Variants in DET1 observed in about 807,000 individuals in gnomAD.
The protein encoded by DET1 is DET1 partner of COP1 E3 ubiquitin ligase.
Under a neutral mutation model 43.7 loss-of-function variants are expected in DET1, and 22 were observed. That is an observed-to-expected ratio of 0.50 (90% CI 0.36 to 0.72). DET1 has a LOEUF of 0.72. DET1 is among the 30% of genes least tolerant of loss of function. DET1 has a pLI of 0.00. For missense variants in DET1, 713 were observed against 713.3 expected, an observed-to-expected ratio of 1.00 and a Z score of 0.00; for synonymous variants, 315 against 266.2, an observed-to-expected ratio of 1.18 and a Z score of -1.79.
intron 3 of DET1, among the ~76,000 whole-genome samples, chr15:88,524,530 T>C (rs7183047): frequency 0.23 from 35,391 of 152,176 alleles, 5,438 homozygotes; most frequent in African/African-American, 0.43. Context: ...GGGGGAAATG[T>C]GGGGAAAAGA....
chr15:88,546,066 T>C (rs1383154156), intron 1 of DET1, among the ~76,000 whole-genome samples: 1 of 152,080 alleles, frequency 6.6e-6, no homozygotes, highest in Non-Finnish European at 1.5e-5. Context: ...TTGTTTTAAC[T>C]AGACCCCCCC....
rs545674931 is a variant in DET1 at position 88,523,139 on chromosome 15, G to A, written c.1271+4460C>T. On this transcript the variant is annotated intron_variant, in intron 3 of 4. Coordinates refer to ENST00000268148, the MANE Select transcript of DET1 (RefSeq NM_001144074.3). Reference sequence around the variant, plus strand: ...GATCAGTCCACGCCAACCTCCCAAAGTGCTGGGATAAAAGGCATAAGCCAC... The same window carrying A: ...GATCAGTCCACGCCAACCTCCCAAAATGCTGGGATAAAAGGCATAAGCCAC... 2.0e-5 allele frequency among the ~76,000 whole-genome samples: 3 copies of A among 152,174 alleles called. No individual in the cohort carries two copies. In the South Asian group the frequency reaches 6.2e-4, roughly 32 times the overall value.
chr15:88,503,504 C>T (rs1311229460), intron 8 of DET1: 2 of 152,290 alleles, frequency 1.3e-5, no homozygotes, highest in East Asian at 3.9e-4. Context: ...TGACATAGGC[C>T]AGGTTAAAGT....
At chr15:88,517,058 G>T in intron 3 of DET1, 85 bp from the exon 4 acceptor site, 1 of 967,112 alleles carries the variant, frequency 1.0e-6, no homozygotes, top group Non-Finnish European at 1.5e-6. Context: ...ATATGTCTAA[G>T]AACAACTCAT....
chr15:88,543,105 C>T lies in DET1; in HGVS notation c.-11+3435G>A, dbSNP rs559511717. Reference sequence around the variant, plus strand: ...ATCTGAAAAAGACTTTAACTGAAGCCCCTGCTTTAGGCCTCCCAGATACCT... The same window carrying T: ...ATCTGAAAAAGACTTTAACTGAAGCTCCTGCTTTAGGCCTCCCAGATACCT... On this transcript the variant is annotated intron_variant, in intron 1 of 4. Coordinates refer to ENST00000268148, the MANE Select transcript of DET1 (RefSeq NM_001144074.3). Among the ~76,000 whole-genome samples, 3 of 152,236 alleles carry T rather than the reference C, an allele frequency of 2.0e-5. No homozygotes were observed. In the East Asian group the frequency reaches 5.8e-4, roughly 29 times the overall value.
chr15:88,533,686 A>G (rs2056875403), intron 1 of DET1, among the ~76,000 whole-genome samples: 1 of 152,060 alleles, frequency 6.6e-6, no homozygotes, highest in Admixed American at 6.6e-5. Context: ...TCACAAACAG[A>G]CAAATACTGT....
intron 4 of DET1, among the ~76,000 whole-genome samples, chr15:88,513,797 T>TAAAAGG (rs1278665681): frequency 7.5e-6 from 1 of 133,878 alleles, no homozygotes; most frequent in African/African-American, 2.9e-5. Flanking sequence ...TAAATTCTTT[T>TAAAAGG]TTTTTTTTTT....
At chr15:88,537,761 T>C (rs1309056649) in intron 1 of DET1, among the ~76,000 whole-genome samples, 1 of 152,188 alleles carries the variant, frequency 6.6e-6, no homozygotes, top group Non-Finnish European at 1.5e-5. Context: ...CTGTGTCAAC[T>C]CAGGCATCCA....
rs748322577 is a variant in DET1, at chr15:88,531,355, C to T, written c.351G>A (p.Arg117=). ...NGNDQRSVNI[R]GRLFERFFVL... is the part of the protein sequence containing the mutation. ...CAAAAAAGCGTTCAAAGAGCCGGCC[C>T]CGGATATTCACTGACCGCTGGTCAT... The change falls in exon 2 of 5, where the codon CGG becomes CGA. Residue 117 remains arginine, a synonymous_variant. Coordinates refer to ENST00000268148, the MANE Select transcript of DET1 (RefSeq NM_001144074.3). The surrounding 1 kb of genome is among the most constrained non-coding windows in gnomAD (Gnocchi z 6.2). 3 of 1,614,022 alleles carry T rather than the reference C, an allele frequency of 1.9e-6. No homozygotes were observed. The Admixed American group carries it at 5.0e-5, about 27-fold the overall frequency.
At chr15:88,522,512 G>GTTTTTTTTTGTTTTTT (rs2056520571) in intron 3 of DET1, among the ~76,000 whole-genome samples, 1 of 80,258 alleles carries the variant, frequency 1.2e-5, no homozygotes, top group South Asian at 5.8e-4. Context: ...AATGTTCCTG[G>GTTTTTTTTTGTTTTTT]TTTTTTTTTT....
chr15:88,536,395 C>T, intron 1 of DET1: 1 of 746,698 alleles, frequency 1.3e-6, no homozygotes, highest in Non-Finnish European at 2.5e-6. Context: ...GGAGAAGGGA[C>T]AGTTAAGCGC....
chr15:88,516,706 G>T lies in DET1; in HGVS notation c.1463+76C>A. 2 of 1,259,806 alleles carry T rather than the reference G, an allele frequency of 1.6e-6. No homozygotes were observed. The highest frequency in any genetic ancestry group is 2.1e-6 in the Non-Finnish European group (2 of 948,324). 78.0% of individuals were successfully genotyped at this position (1,259,806 alleles called of 1,614,324 possible). ...CGAGTCACAGTCACAATCAAATGAT[G>T]TCCAGAAAAAGAGAAAAAGAAAGCA... On this transcript the variant is annotated intron_variant, in intron 4 of 4. Coordinates refer to ENST00000268148, the MANE Select transcript of DET1 (RefSeq NM_001144074.3). The surrounding 1 kb of genome is among the most constrained non-coding windows in gnomAD (Gnocchi z 4.4).
Position 88,512,821 on chromosome 15 carries a change from C to A in DET1, c.*130G>T. ...GCCACCCTCACTCCTCTCTCTGGCT[C>A]TCTCCCATCTGAGGTATAGCAGGCT... is the stretch of plus-strand genomic sequence containing the variant. On this transcript the variant is annotated 3_prime_UTR_variant, in exon 5 of 5. Transcript: ENST00000268148. 1 of 1,450,294 alleles carries A rather than the reference C, an allele frequency of 6.9e-7. No individual in the cohort carries two copies. The allele number at this position is 1,450,294 out of a possible 1,614,324, so 89.8% of individuals were successfully genotyped here.
At chr15:88,524,137 G>A (rs962883664) in intron 3 of DET1, among the ~76,000 whole-genome samples, 1 of 151,464 alleles carries the variant, frequency 6.6e-6, no homozygotes, top group East Asian at 2.0e-4. Flanking sequence ...CGCCCCGTCG[G>A]GGATGTAAGG....
rs116912149 is a variant in DET1 at position 88,541,616 on chromosome 15, C to T, written c.-11+4924G>A. Among the ~76,000 whole-genome samples the T allele has an allele frequency of 5.9e-5, 9 of 152,294 alleles. No individual in the cohort carries two copies. The East Asian group carries it at 1.7e-3, about 29-fold the overall frequency. ...GGCCAAGGTTTGGAGTTGGGTGGCC[C>T]TCTAAAGGATCATTGAATCCTACAA... On this transcript the variant is annotated intron_variant, in intron 1 of 4. Coordinates refer to ENST00000268148, the MANE Select transcript of DET1 (RefSeq NM_001144074.3).
In DET1 at chr15:88,516,489, G is replaced by C. The variant is rs1364114522; in HGVS notation, c.1463+293C>G. Among the ~76,000 whole-genome samples, 1 of 152,148 alleles carries C rather than the reference G, an allele frequency of 6.6e-6. No individual in the cohort carries two copies. Among genetic ancestry groups the C allele is most frequent in the East Asian group, 1.9e-4 (1 of 5,204 alleles). ...TCAATGTCAAAAACTATTATGGAAT[G>C]GTATTAGATTATTAAATGGGAAAGT... On this transcript the variant is annotated intron_variant, in intron 4 of 4. Coordinates refer to ENST00000268148, the MANE Select transcript of DET1 (RefSeq NM_001144074.3). This position sits in a 1 kb window ranked among gnomAD's most constrained non-coding sequence, Gnocchi z 4.4.
downstream of DET1, among the ~76,000 whole-genome samples, chr15:88,511,985 A>G (rs1019811730): frequency 6.6e-6 from 1 of 152,208 alleles, no homozygotes; most frequent in Non-Finnish European, 1.5e-5. Flanking sequence ...CAGATGAAAC[A>G]TAAACAGGCT....
chr15:88,526,440 T>C (rs944682099), intron 3 of DET1, among the ~76,000 whole-genome samples: 1 of 152,032 alleles, frequency 6.6e-6, no homozygotes, highest in African/African-American at 2.4e-5. Flanking sequence ...AATAATGCAC[T>C]ATGGCAATTA....
intron 1 of DET1, among the ~76,000 whole-genome samples, chr15:88,545,651 T>C (rs1184392943): frequency 5.2e-5 from 4 of 76,272 alleles, no homozygotes; most frequent in East Asian, 4.1e-4. Flanking sequence ...GTCAAACTTA[T>C]GTATCTTAAG....
Sources: gnomAD v4.1 joint callset for allele counts (sites outside exome capture counted in the v4.1 genomes callset) on GRCh38, gnomAD v4.1.1 for gene constraint, Gnocchi (gnomAD v3.1) non-coding constraint, MANE v1.5 for transcripts, NCBI Gene and HGNC (gene_info 2026-07-23, HGNC 2026-07-21) for gene names.